CNNM2: variants seen among roughly 807,000 people sequenced by gnomAD.
The protein encoded by CNNM2 is metal transporter CNNM2.
A neutral mutation model predicts 66.9 loss-of-function variants in CNNM2; 12 were observed. That is an observed-to-expected ratio of 0.18 (90% CI 0.11 to 0.29). The LOEUF is 0.29. Among genes scored for constraint, CNNM2 ranks in the 10% least tolerant of loss-of-function variants. The pLI, the probability that CNNM2 is intolerant of heterozygous loss-of-function variation, is 1.00. For missense variants in CNNM2, 705 were observed against 1,167.7 expected (o/e 0.60, Z 5.77); for synonymous variants, 557 against 501.8 (o/e 1.11, Z -1.47).
intron 1 of CNNM2, among the ~76,000 whole-genome samples, chr10:103,033,598 C>T (rs1349616562): frequency 6.6e-6 from 1 of 152,108 alleles, no homozygotes; most frequent in Non-Finnish European, 1.5e-5. Flanking sequence ...TCCGTCTCTA[C>T]AACTTAAAGG....
At chr10:102,945,654 C>T (rs1310404010) in intron 1 of CNNM2, among the ~76,000 whole-genome samples, 1 of 151,954 alleles carries the variant, frequency 6.6e-6, no homozygotes, top group Non-Finnish European at 1.5e-5. Context: ...TTGGCTTGTT[C>T]CATTCTCCCT....
intron 1 of CNNM2, among the ~76,000 whole-genome samples, chr10:103,009,782 ATG>A: frequency 6.6e-6 from 1 of 152,168 alleles, no homozygotes; most frequent in African/African-American, 2.4e-5. Flanking sequence ...CAGTGTCTAA[ATG>A]AGATATATCC....
Position 102,918,846 on chromosome 10 carries a change from G to A in CNNM2, c.366G>A (p.Glu122=), listed in dbSNP as rs765219059. 1 of 1,585,560 alleles carries A rather than the reference G, an allele frequency of 6.3e-7. No homozygotes were observed. The highest frequency in any genetic ancestry group is 2.3e-5 in the East Asian group (1 of 43,416). Residue 122 remains glutamate (E), a synonymous_variant, in exon 1 of 8, where the codon GAG becomes GAA. Transcript: ENST00000369878. This position sits in a 1 kb window ranked among gnomAD's most constrained non-coding sequence, Gnocchi z 4.1. ...NETWSRIAFT[E]HERRRHSPGE... ...CGTGGTCCCGCATCGCCTTCACCGAGCACGAGCGGCGGCGCCACAGCCCGG... is the reference window on the plus strand; with the variant it reads ...CGTGGTCCCGCATCGCCTTCACCGAACACGAGCGGCGGCGCCACAGCCCGG...
In CNNM2 at chr10:103,088,872, T is replaced by G. The variant is rs1344236318; in HGVS notation, c.*11692T>G. The G allele has an allele frequency of 9.8e-6, 2 of 204,410 alleles. No individual in the cohort carries two copies. The highest frequency in any genetic ancestry group is 4.6e-5 in the African/African-American group (2 of 43,704). The allele number at this position is 204,410 out of a possible 1,614,324, so 12.7% of individuals were successfully genotyped here. A position where few individuals can be genotyped will look rare whatever the true frequency, so the allele number is the denominator to read the frequency against. On this transcript the variant is annotated 3_prime_UTR_variant, in exon 8 of 8. Coordinates refer to ENST00000369878, the MANE Select transcript of CNNM2 (RefSeq NM_017649.5). ...GCCACAGCTATATAGCCCACACTAATGCATGTTCTGTAGTATAAGAAGGCA... is the reference window on the plus strand; with the variant it reads ...GCCACAGCTATATAGCCCACACTAAGGCATGTTCTGTAGTATAAGAAGGCA...
At chr10:102,970,102 GC>G (rs1427875982) in intron 1 of CNNM2, among the ~76,000 whole-genome samples, 59 of 152,328 alleles carry the variant, frequency 3.9e-4, no homozygotes, top group African/African-American at 1.4e-3. Context: ...CCTGCCACCT[GC>G]TTTTGTATGC....
intron 1 of CNNM2, among the ~76,000 whole-genome samples, chr10:102,998,346 G>A (rs1056190410): frequency 6.6e-6 from 1 of 152,160 alleles, no homozygotes; most frequent in African/African-American, 2.4e-5. Flanking sequence ...ATGCATAATT[G>A]ACAGGCTATT....
chr10:103,045,542 C>A (rs2065113118), intron 1 of CNNM2, among the ~76,000 whole-genome samples: 1 of 152,076 alleles, frequency 6.6e-6, no homozygotes, highest in African/African-American at 2.4e-5. Flanking sequence ...GGTGAACTTA[C>A]CCAACTTAAA....
chr10:103,041,245 G>C (rs763944459), intron 1 of CNNM2, among the ~76,000 whole-genome samples: 2 of 152,098 alleles, frequency 1.3e-5, no homozygotes, highest in Non-Finnish European at 2.9e-5. Context: ...GGCTCTTTCC[G>C]GTGGTAGTTT....
At position 103,087,484 on chromosome 10, in the gene CNNM2, T is replaced by G. The variant is rs918950444; in HGVS notation, c.*10304T>G. 2.0e-5 allele frequency: 3 copies of G among 152,140 alleles called. No individual in the cohort carries two copies. Among genetic ancestry groups the G allele is most frequent in the Admixed American group, 6.5e-5 (1 of 15,272 alleles). The allele number at this position is 152,140 out of a possible 1,614,324, so 9.4% of individuals were successfully genotyped here. A position where few individuals can be genotyped will look rare whatever the true frequency, so the allele number is the denominator to read the frequency against. The stretch of plus-strand genomic sequence containing the variant: ...ACCCAGAGAATCATTTGCCATGGAA[T>G]CATCTGGCTAGTAAGACACTCTTAT... On this transcript the variant is annotated 3_prime_UTR_variant, in exon 8 of 8. Coordinates refer to ENST00000369878, the MANE Select transcript of CNNM2 (RefSeq NM_017649.5).
At chr10:103,062,404 G>A (rs1437295594) in intron 4 of CNNM2, among the ~76,000 whole-genome samples, 3 of 152,134 alleles carry the variant, frequency 2.0e-5, no homozygotes, top group African/African-American at 7.2e-5. Context: ...CACGGTCTGT[G>A]TACCCTAGTG....
intron 1 of CNNM2, among the ~76,000 whole-genome samples, chr10:103,042,384 G>A (rs1404195087): frequency 6.6e-6 from 1 of 152,090 alleles, no homozygotes; most frequent in Admixed American, 6.5e-5. Context: ...GCCTTTCCCT[G>A]GCCATCCTGT....
chr10:103,021,117 C>G (rs1282750704), intron 1 of CNNM2, among the ~76,000 whole-genome samples: 1 of 152,078 alleles, frequency 6.6e-6, no homozygotes, highest in East Asian at 1.9e-4. Context: ...TTTTTAGACA[C>G]TAGACAACAG....
chr10:103,029,593 TGGCTCACGC>T (rs2064782244), intron 1 of CNNM2, among the ~76,000 whole-genome samples: 1 of 152,134 alleles, frequency 6.6e-6, no homozygotes, highest in Admixed American at 6.5e-5. Flanking sequence ...CCAGGCACGG[TGGCTCACGC>T]CTGTAATCCC....
At chr10:103,072,804 G>A (rs2134366209) in intron 6 of CNNM2, among the ~76,000 whole-genome samples, 1 of 152,274 alleles carries the variant, frequency 6.6e-6, no homozygotes, top group Middle Eastern at 3.4e-3. Flanking sequence ...AACCTGACCT[G>A]AACTGGGGGT....
chr10:102,979,623 A>T (rs1401850384), intron 1 of CNNM2, among the ~76,000 whole-genome samples: 2 of 152,092 alleles, frequency 1.3e-5, no homozygotes, highest in East Asian at 1.9e-4. Flanking sequence ...TTTTTTGTTA[A>T]TTGTTGTATC....
chr10:103,020,112 T>G (rs1170616962), intron 1 of CNNM2, among the ~76,000 whole-genome samples: 3 of 152,180 alleles, frequency 2.0e-5, no homozygotes, highest in Non-Finnish European at 4.4e-5. Flanking sequence ...TATTTTGACT[T>G]TTTTAGCCAT....
intron 1 of CNNM2, among the ~76,000 whole-genome samples, chr10:102,920,678 G>T (rs542460476): frequency 7.5e-5 from 11 of 146,042 alleles, no homozygotes; most frequent in African/African-American, 2.8e-4. Context: ...GAGGGTAAGG[G>T]GTGGGGTAAA....
intron 1 of CNNM2, among the ~76,000 whole-genome samples, chr10:102,940,575 T>A (rs541468302): frequency 6.7e-6 from 1 of 148,290 alleles, no homozygotes; most frequent in Non-Finnish European, 1.5e-5. Context: ...CCTGCCACCA[T>A]GCCTGGCTAA....
intron 1 of CNNM2, among the ~76,000 whole-genome samples, chr10:103,016,138 C>G (rs191899421): frequency 7.1e-4 from 108 of 152,206 alleles, no homozygotes; most frequent in Non-Finnish European, 1.1e-3. Context: ...CCAAGCCCCC[C>G]GCTTCCCCCA....
Sources: gnomAD v4.1 joint callset for allele counts (sites outside exome capture counted in the v4.1 genomes callset) on GRCh38, gnomAD v4.1.1 for gene constraint, Gnocchi (gnomAD v3.1) non-coding constraint, MANE v1.5 for transcripts, NCBI Gene and HGNC (gene_info 2026-07-23, HGNC 2026-07-21) for gene names.